Variants in TANC1 observed in about 807,000 individuals in gnomAD.
The protein encoded by TANC1 is protein TANC1.
TANC1 carries 77 observed loss-of-function variants against 149.7 expected under a neutral mutation model. That is an observed-to-expected ratio of 0.51 (90% CI 0.43 to 0.62). The LOEUF is 0.62. TANC1 is among the 20% of genes least tolerant of loss of function. TANC1 has a pLI of 0.00. For missense variants in TANC1, 1,985 were observed against 2,321.8 expected (o/e 0.85, Z 2.98); for synonymous variants, 854 against 925.0 (o/e 0.92, Z 1.39).
Position 159,136,033 on chromosome 2 carries a change from T to TGC in TANC1, c.260-160_260-159insCG, listed in dbSNP as rs937578809. Among the ~76,000 whole-genome samples, 2 of 61,328 alleles carry TGC rather than the reference T, an allele frequency of 3.3e-5. 1 individual carries two copies. The highest frequency in any genetic ancestry group is 9.4e-5 in the African/African-American group (2 of 21,236). The allele number at this position is 61,328 out of a possible 152,430, so 40.2% of individuals were successfully genotyped here. On this transcript the variant is annotated intron_variant, in intron 4 of 26. Coordinates refer to ENST00000263635, the MANE Select transcript of TANC1 (RefSeq NM_033394.3). Reference sequence around the variant, plus strand: ...GTGTGTGTGTGTGTGTGTGTGTGTGTGTGTGTGTGTGTGTGTGCGCGCGCG... The same window carrying TGC: ...GTGTGTGTGTGTGTGTGTGTGTGTGTGCGTGTGTGTGTGTGTGTGCGCGCGCG...
Position 159,112,621 on chromosome 2 carries a change from G to A in TANC1, c.259+14787G>A, listed in dbSNP as rs115480846. Among the ~76,000 whole-genome samples, 934 of 146,930 alleles carry A rather than the reference G, an allele frequency of 6.4e-3. 5 individuals are homozygous for A. The highest frequency in any genetic ancestry group is 0.011 in the Non-Finnish European group (738 of 67,158). ...TCTTGCTTTGTCGCTCAGCTGGAGT[G>A]CAATGGCACAATCACAGCTCACTGC... On this transcript the variant is annotated intron_variant, in intron 4 of 26. Coordinates refer to ENST00000263635, the MANE Select transcript of TANC1 (RefSeq NM_033394.3).
At chr2:159,134,150 G>C (rs2050405880) in intron 4 of TANC1, among the ~76,000 whole-genome samples, 1 of 152,184 alleles carries the variant, frequency 6.6e-6, no homozygotes, top group South Asian at 2.1e-4. Context: ...AGAGGGGATA[G>C]TTGTAGATTC....
At chr2:159,196,548 T>C in intron 17 of TANC1, 60 bp from the exon 18 acceptor site, 2 of 1,474,720 alleles carry the variant, frequency 1.4e-6, no homozygotes, top group Non-Finnish European at 1.8e-6. Context: ...AGGTGGTGCA[T>C]CTGCATGCTC....
chr2:159,059,552 C>A (rs771963610), intron 2 of TANC1, among the ~76,000 whole-genome samples: 4 of 151,944 alleles, frequency 2.6e-5, no homozygotes, highest in Non-Finnish European at 5.9e-5. Context: ...AAGGCCAATT[C>A]TTTACTTATC....
rs539896135 is a variant in TANC1 at position 159,072,327 on chromosome 2, A to G, written c.61+6356A>G. Among the ~76,000 whole-genome samples the G allele has an allele frequency of 2.2e-4, 34 of 152,292 alleles. 1 individual carries two copies. The South Asian group carries it at 6.8e-3, about 31-fold the overall frequency. On this transcript the variant is annotated intron_variant, in intron 3 of 26. Coordinates refer to ENST00000263635, the MANE Select transcript of TANC1 (RefSeq NM_033394.3). ...AATGCTGGTTGTTCCCTCTGGTTTG[A>G]TAGGTTCCTTCATCAGATTTTCTTT... is the stretch of plus-strand genomic sequence containing the variant.
At chr2:158,976,710 G>A (rs1287502960) in intron 1 of TANC1, among the ~76,000 whole-genome samples, 4 of 152,090 alleles carry the variant, frequency 2.6e-5, no homozygotes, top group Admixed American at 6.6e-5. Context: ...GTGAAACCCC[G>A]TCTCTACTAA....
chr2:159,112,628 C>T (rs1273652544), intron 4 of TANC1, among the ~76,000 whole-genome samples: 1 of 147,414 alleles, frequency 6.8e-6, no homozygotes, highest in Non-Finnish European at 1.5e-5. Context: ...AGTGCAATGG[C>T]ACAATCACAG....
chr2:159,027,683 T>C (rs1442799760), intron 2 of TANC1, among the ~76,000 whole-genome samples: 3 of 152,220 alleles, frequency 2.0e-5, no homozygotes, highest in Non-Finnish European at 4.4e-5. Context: ...TCAAAGCCAC[T>C]TCCACATTTT....
chr2:159,004,368 G>C, intron 2 of TANC1: 8 of 1,526,662 alleles, frequency 5.2e-6, no homozygotes, highest in South Asian at 1.1e-5. Context: ...GAACAAATCA[G>C]CTATGTGGTT....
intron 4 of TANC1, among the ~76,000 whole-genome samples, chr2:159,126,803 T>C (rs1230857821): frequency 2.0e-5 from 3 of 152,276 alleles, no homozygotes; most frequent in African/African-American, 7.2e-5. Context: ...ACTCTTGCCA[T>C]CTTAACCGAG....
chr2:158,969,888 C>T (rs549371883), intron 1 of TANC1, among the ~76,000 whole-genome samples: 3 of 152,306 alleles, frequency 2.0e-5, no homozygotes, highest in South Asian at 4.2e-4. Context: ...TTCTCAGTGG[C>T]GTTGTTCCCT....
intron 2 of TANC1, among the ~76,000 whole-genome samples, chr2:159,009,007 T>C (rs1345343492): frequency 6.6e-6 from 1 of 152,168 alleles, no homozygotes; most frequent in Non-Finnish European, 1.5e-5. Context: ...TCTTGGGGAC[T>C]GGGCTTAACT....
chr2:159,181,831 TCTTTC>T lies in TANC1; in HGVS notation c.2510+2674_2510+2678del, dbSNP rs1202492235. ...TCTTAAGACGATGTACTACCTCTCT[TCTTTC>T]CTTTCTTCTCTCTTAGTTTTGATTA... On this transcript the variant is annotated intron_variant, in intron 14 of 26. Transcript: ENST00000263635. Among the ~76,000 whole-genome samples, 4 of 152,220 alleles carry T rather than the reference TCTTTC, an allele frequency of 2.6e-5. No individual in the cohort carries two copies. In the East Asian group the frequency reaches 7.7e-4, roughly 29 times the overall value.
chr2:159,111,182 G>A (rs923782143), intron 4 of TANC1, among the ~76,000 whole-genome samples: 1 of 152,214 alleles, frequency 6.6e-6, no homozygotes, highest in Non-Finnish European at 1.5e-5. Context: ...GTGGTGCCCT[G>A]CCTGGGTAAT....
At chr2:159,168,109 T>A (rs2054794578) in intron 8 of TANC1, among the ~76,000 whole-genome samples, 1 of 152,190 alleles carries the variant, frequency 6.6e-6, no homozygotes, top group South Asian at 2.1e-4. Flanking sequence ...CAGTACTTCA[T>A]GTTGGGCTTA....
At chr2:159,091,042 T>C (rs1239135688) in intron 3 of TANC1, among the ~76,000 whole-genome samples, 1 of 152,048 alleles carries the variant, frequency 6.6e-6, no homozygotes, top group East Asian at 1.9e-4. Context: ...TTGTTTTTTT[T>C]TTCTTCCCCT....
intron 5 of TANC1, among the ~76,000 whole-genome samples, chr2:159,137,611 C>G (rs1454760603): frequency 6.6e-6 from 1 of 152,198 alleles, no homozygotes; most frequent in Non-Finnish European, 1.5e-5. Flanking sequence ...CATGAGGCCT[C>G]TCTTGATTGT....
At chr2:159,025,969 C>CT (rs1254643649) in intron 2 of TANC1, among the ~76,000 whole-genome samples, 2 of 152,204 alleles carry the variant, frequency 1.3e-5, no homozygotes. Context: ...GGGTCTCACT[C>CT]TATCGCCCAG....
intron 2 of TANC1, among the ~76,000 whole-genome samples, chr2:159,053,731 G>A (rs1333709616): frequency 6.6e-6 from 1 of 152,180 alleles, no homozygotes; most frequent in Non-Finnish European, 1.5e-5. Flanking sequence ...TAACTTCTGG[G>A]TAAGTGTTAG....
Sources: gnomAD v4.1 joint callset for allele counts (sites outside exome capture counted in the v4.1 genomes callset) on GRCh38, gnomAD v4.1.1 for gene constraint, MANE v1.5 for transcripts, NCBI Gene and HGNC (gene_info 2026-07-23, HGNC 2026-07-21) for gene names.